ENTPD5: variants seen among roughly 807,000 people sequenced by gnomAD.
ENTPD5 encodes ectonucleoside triphosphate diphosphohydrolase 5 (inactive).
Under a neutral mutation model 60.2 loss-of-function variants are expected in ENTPD5, and 49 were observed. The ratio of observed to expected loss-of-function variants is 0.81; its 90% CI spans 0.65 to 1.03. The LOEUF is 1.03. Ranked by LOEUF, ENTPD5 falls within the 50% of genes least tolerant of loss-of-function variation. The pLI, the probability that ENTPD5 is intolerant of heterozygous loss-of-function variation, is 0.00. For missense variants in ENTPD5, 480 were observed against 507.6 expected (o/e 0.95, Z 0.52); for synonymous variants, 187 against 185.4 (o/e 1.01, Z -0.07).
chr14:74,007,207 C>T (rs1835362943), intron 3 of ENTPD5, among the ~76,000 whole-genome samples: 1 of 151,996 alleles, frequency 6.6e-6, no homozygotes, highest in African/African-American at 2.4e-5. Flanking sequence ...GCTAACATAG[C>T]AAGATCCTGT....
intron 9 of ENTPD5, 78 bp downstream of exon 9, chr14:73,976,246 A>G: frequency 7.7e-7 from 1 of 1,292,872 alleles, no homozygotes; most frequent in African/African-American, 1.5e-5. Flanking sequence ...TGCTGGCTGA[A>G]AATGGGGCGC....
chr14:74,007,045 C>A (rs2058698775), intron 3 of ENTPD5, among the ~76,000 whole-genome samples: 1 of 152,054 alleles, frequency 6.6e-6, no homozygotes, highest in African/African-American at 2.4e-5. Context: ...CTTGTATTGG[C>A]AGAATAGAAA....
downstream of ENTPD5, chr14:73,958,135 T>G (rs1228596776): frequency 5.0e-6 from 8 of 1,613,348 alleles, 1 homozygote; most frequent in South Asian, 8.8e-5. Context: ...TCCTCTCTTT[T>G]GACCTCCCCA....
In ENTPD5 at chr14:73,986,869, T is replaced by TC. The variant is rs1229261298; in HGVS notation, c.241dup (p.Glu81GlyfsTer4). Reference sequence around the variant, plus strand: ...TCCTGGCTTCACAGAATCAAAAACTTCCCCTTCTAGAATTGGAAGCTGTCC... The same window carrying TC: ...TCCTGGCTTCACAGAATCAAAAACTTCCCCCTTCTAGAATTGGAAGCTGTCC... On this transcript the variant is annotated frameshift_variant, in exon 5 of 16. Transcript: ENST00000334696. LOFTEE classifies it high-confidence loss of function. 5.0e-6 allele frequency: 8 copies of TC among 1,614,024 alleles called. No individual in the cohort carries two copies. The highest frequency in any genetic ancestry group is 6.8e-6 in the Non-Finnish European group (8 of 1,179,956).
chr14:73,976,085 C>A lies in ENTPD5; in HGVS notation c.643-70G>T, dbSNP rs1036771192. The A allele has an allele frequency of 2.3e-6, 3 of 1,296,550 alleles. No homozygotes were observed. The South Asian group carries it at 3.6e-5, about 16-fold the overall frequency. 80.3% of individuals were successfully genotyped at this position (1,296,550 alleles called of 1,614,324 possible). A position where few individuals can be genotyped will look rare whatever the true frequency, so the allele number is the denominator to read the frequency against. ...ACCTGAAGATGTTCACACCACCACC[C>A]GTCCCTCCCAGCAAAAAATCAGAGA... On this transcript the variant is annotated intron_variant, in intron 9 of 15. Coordinates refer to ENST00000334696, the MANE Select transcript of ENTPD5 (RefSeq NM_001249.5).
At chr14:73,979,212 C>T (rs949583321) in intron 6 of ENTPD5, among the ~76,000 whole-genome samples, 6 of 152,112 alleles carry the variant, frequency 3.9e-5, no homozygotes, top group Non-Finnish European at 5.9e-5. Flanking sequence ...TCAAAGACTT[C>T]TTCCCTGACT....
At chr14:74,009,501 T>C (rs974078796) in intron 3 of ENTPD5, among the ~76,000 whole-genome samples, 2 of 151,140 alleles carry the variant, frequency 1.3e-5, no homozygotes, top group Non-Finnish European at 2.9e-5. Flanking sequence ...ACAATGATAG[T>C]TTCATGTATA....
chr14:73,967,079 T>C, intron 15 of ENTPD5, 65 bp from the exon 16 acceptor site: 2 of 1,400,300 alleles, frequency 1.4e-6, no homozygotes, highest in East Asian at 2.3e-5. Context: ...GCACAGCTCT[T>C]GGGCAGAAAA....
intron 3 of ENTPD5, among the ~76,000 whole-genome samples, chr14:73,995,528 C>T (rs946714982): frequency 1.3e-5 from 2 of 151,402 alleles, no homozygotes; most frequent in South Asian, 2.1e-4. Flanking sequence ...CAGTGGCTCA[C>T]GCCTGTTAAG....
chr14:73,972,894 T>G lies in ENTPD5; in HGVS notation c.1017A>C (p.Thr339=), dbSNP rs766145515. The G allele has an allele frequency of 6.2e-7, 1 of 1,614,144 alleles. No homozygotes were observed. Among genetic ancestry groups the G allele is most frequent in the Non-Finnish European group, 8.5e-7 (1 of 1,179,990 alleles). The change falls in exon 13 of 16, where the codon ACA becomes ACC. Residue 339 remains threonine, a synonymous_variant. Transcript: ENST00000334696. ...FSYYYDRAVD[T]DMIDYEKGGI... is the part of the protein sequence containing the mutation. ...CTGGGGTGAACTCACCAATCATGTC[T>G]GTGTCAACAGCTCGGTCATAATAGT...
intron 3 of ENTPD5, among the ~76,000 whole-genome samples, chr14:73,991,394 C>T (rs1287704672): frequency 6.6e-6 from 1 of 151,964 alleles, no homozygotes; most frequent in African/African-American, 2.4e-5. Flanking sequence ...TTGAGATCAG[C>T]CTGGCCAACG....
chr14:74,006,337 G>A (rs2058678324), intron 3 of ENTPD5, among the ~76,000 whole-genome samples: 1 of 147,608 alleles, frequency 6.8e-6, no homozygotes, highest in Admixed American at 6.9e-5. Context: ...AGGCAGGAGT[G>A]CAGTGGCACA....
chr14:73,979,555 T>C (rs961366823), intron 6 of ENTPD5, among the ~76,000 whole-genome samples: 10 of 150,588 alleles, frequency 6.6e-5, no homozygotes, highest in Admixed American at 5.4e-4. Context: ...CACTGCAGCC[T>C]CTGCCTCCCG....
downstream of ENTPD5, chr14:73,961,157 G>A: frequency 6.2e-7 from 1 of 1,612,068 alleles, no homozygotes; most frequent in Non-Finnish European, 8.5e-7. Flanking sequence ...TTTGTCTTGT[G>A]GCTGATGCTG....
intron 13 of ENTPD5, 72 bp from the exon 14 acceptor site, chr14:73,971,980 T>C (rs2057247099): frequency 1.1e-6 from 1 of 902,888 alleles, no homozygotes; most frequent in African/African-American, 1.6e-5. Context: ...ATTCATTCAT[T>C]CATTATATAC....
intron 3 of ENTPD5, among the ~76,000 whole-genome samples, chr14:74,008,427 C>T (rs1234858143): frequency 1.4e-5 from 2 of 146,786 alleles, no homozygotes; most frequent in East Asian, 2.0e-4. Context: ...CTCGCTCTGT[C>T]GCCCAGGCTG....
In ENTPD5 at chr14:73,973,989, C is replaced by A. The variant is rs755570796; in HGVS notation, c.785-11G>T. 51 of 1,610,544 alleles carry A rather than the reference C, an allele frequency of 3.2e-5. No homozygotes were observed. The highest frequency in any genetic ancestry group is 1.6e-4 in the Middle Eastern group (1 of 6,076). On this transcript the variant is annotated splice_polypyrimidine_tract_variant and intron_variant, in intron 11 of 15. Coordinates refer to ENST00000334696, the MANE Select transcript of ENTPD5 (RefSeq NM_001249.5). ...TGTGCCCATCAGTCCCTGAAAGAAT[C>A]CAGGGCACAAGGTAAGAGGTAAGTA...
intron 3 of ENTPD5, chr14:73,996,130 T>C (rs980962079): frequency 2.0e-5 from 20 of 984,480 alleles, no homozygotes; most frequent in Non-Finnish European, 2.4e-5. Context: ...GCCGGTTCCC[T>C]GAGTCCTTGC....
At chr14:73,988,379 C>T (rs1471498675) in intron 3 of ENTPD5, among the ~76,000 whole-genome samples, 2 of 152,116 alleles carry the variant, frequency 1.3e-5, no homozygotes, top group Admixed American at 6.6e-5. Context: ...GATATATTTT[C>T]CCATGCTTTG....
Sources: allele counts gnomAD v4.1 joint callset (sites outside exome capture counted in the v4.1 genomes callset), GRCh38; gene constraint gnomAD v4.1.1; transcripts MANE v1.5; gene names NCBI Gene and HGNC (gene_info 2026-07-23, HGNC 2026-07-21).